DNAH14: variants seen among roughly 807,000 people sequenced by gnomAD.
DNAH14 encodes the protein axonemal beta dynein heavy chain 14.
DNAH14 carries 478 observed loss-of-function variants against 520.9 expected under a neutral mutation model. That is an observed-to-expected ratio of 0.92 (90% confidence interval 0.85 to 0.99). The LOEUF is 0.99. DNAH14 is among the 50% of genes least tolerant of loss of function. DNAH14 has a pLI of 0.00. For synonymous variants in DNAH14, 1,581 were observed against 1,757.2 expected, an observed-to-expected ratio of 0.90 and a Z score of 2.51; for missense variants, 4,831 against 5,234.5, an observed-to-expected ratio of 0.92 and a Z score of 2.38.
chr1:225,023,138 A>G (rs909475382), intron 10 of DNAH14, among the ~76,000 whole-genome samples: 1 of 152,102 alleles, frequency 6.6e-6, no homozygotes, highest in Non-Finnish European at 1.5e-5. Flanking sequence ...CCTATTGTTG[A>G]CTATGCTCAC....
chr1:224,952,049 A>C (rs949761224), intron 1 of DNAH14, among the ~76,000 whole-genome samples: 5 of 152,160 alleles, frequency 3.3e-5, no homozygotes, highest in Non-Finnish European at 5.9e-5. Context: ...TCTATTCTCC[A>C]TTGATTCCAG....
chr1:225,005,135 T>C (rs2064065390), intron 9 of DNAH14, among the ~76,000 whole-genome samples: 1 of 152,146 alleles, frequency 6.6e-6, no homozygotes, highest in African/African-American at 2.4e-5. Context: ...CTAGAGAGAT[T>C]GCCACTTATC....
chr1:225,212,252 T>G (rs2088557614), intron 41 of DNAH14, among the ~76,000 whole-genome samples: 1 of 152,078 alleles, frequency 6.6e-6, no homozygotes, highest in African/African-American at 2.4e-5. Context: ...TTTTTATGGC[T>G]GCATAGTATT....
intron 8 of DNAH14, among the ~76,000 whole-genome samples, chr1:224,981,623 A>C (rs1426148894): frequency 6.6e-6 from 1 of 152,120 alleles, no homozygotes; most frequent in Non-Finnish European, 1.5e-5. Context: ...CAGTGGTGTC[A>C]GTTGTAATAT....
intron 34 of DNAH14, among the ~76,000 whole-genome samples, chr1:225,158,626 G>A (rs2149134384): frequency 6.6e-6 from 1 of 152,282 alleles, no homozygotes; most frequent in East Asian, 1.9e-4. Flanking sequence ...TATTTGTTAT[G>A]CCATATACTT....
chr1:225,083,114 G>A (rs1391581122), intron 20 of DNAH14, among the ~76,000 whole-genome samples: 1 of 151,996 alleles, frequency 6.6e-6, no homozygotes, highest in Non-Finnish European at 1.5e-5. Flanking sequence ...TGTAAGAATT[G>A]CCCTACCTTA....
intron 8 of DNAH14, among the ~76,000 whole-genome samples, chr1:224,994,126 G>T (rs1039585164): frequency 6.6e-6 from 1 of 151,938 alleles, no homozygotes; most frequent in Admixed American, 6.6e-5. Flanking sequence ...AGGGTGTTTT[G>T]TGTGCACTTG....
rs2069932701 is a variant in DNAH14, at chr1:225,060,680, A to T, written c.2424+8885A>T. Among the ~76,000 whole-genome samples the T allele has an allele frequency of 3.3e-5, 3 of 91,608 alleles. No individual in the cohort carries two copies. The South Asian group carries it at 1.4e-3, about 41-fold the overall frequency. The allele number at this position is 91,608 out of a possible 152,430, so 60.1% of individuals were successfully genotyped here. ...TTGGTCTTTGATGATGGTGATGTAC[A>T]GATGGGGTTTTAGTGTGGATGTCCT... On this transcript the variant is annotated intron_variant, in intron 17 of 85. Coordinates refer to ENST00000682510, the MANE Select transcript of DNAH14 (RefSeq NM_001367479.1).
intron 4 of DNAH14, among the ~76,000 whole-genome samples, chr1:224,960,579 G>GT (rs773829660): frequency 6.6e-6 from 1 of 151,774 alleles, no homozygotes; most frequent in Non-Finnish European, 1.5e-5. Flanking sequence ...AAACTGTATG[G>GT]TTTTTTACAT....
chr1:225,265,262 A>G lies in DNAH14; in HGVS notation c.7303A>G (p.Thr2435Ala), dbSNP rs575761175. 16 of 1,543,420 alleles carry G rather than the reference A, an allele frequency of 1.0e-5. No individual in the cohort carries two copies. In the South Asian group the frequency reaches 1.7e-4, roughly 17 times the overall value. The change falls in exon 48 of 86, where the codon ACA (threonine) becomes GCA (alanine). Residue 2435 changes from threonine to alanine, a missense_variant. Physicochemically the swap from Thr to Ala is moderately conservative, Grantham distance 58. Transcript: ENST00000682510. ...NNDHKGVVVS[T>A]INFSTNVTAA... Reference sequence around the variant, plus strand: ...TGATCATAAAGGAGTTGTAGTCTCTACAATAAATTTTAGCACCAATGTAAC... The same window carrying G: ...TGATCATAAAGGAGTTGTAGTCTCTGCAATAAATTTTAGCACCAATGTAAC...
At chr1:225,377,164 C>T (rs2095711677) in intron 78 of DNAH14, 73 bp from the exon 79 acceptor site, 24 of 1,257,304 alleles carry the variant, frequency 1.9e-5, no homozygotes, top group Non-Finnish European at 2.5e-5. Context: ...GTATCTTACT[C>T]TGGCAAAAAC....
intron 66 of DNAH14, among the ~76,000 whole-genome samples, chr1:225,336,464 A>G (rs114499427): frequency 4.2e-4 from 60 of 142,066 alleles, no homozygotes; most frequent in Non-Finnish European, 8.5e-4. Context: ...CTCAAATAAT[A>G]TAAAGCAAAT....
At chr1:225,326,818 C>A (rs577557059) in intron 64 of DNAH14, among the ~76,000 whole-genome samples, 1 of 151,970 alleles carries the variant, frequency 6.6e-6, no homozygotes, top group East Asian at 1.9e-4. Flanking sequence ...GCCCTGTTTT[C>A]TAGGACATTT....
At chr1:225,083,981 A>C (rs527646110) in intron 20 of DNAH14, among the ~76,000 whole-genome samples, 1 of 152,266 alleles carries the variant, frequency 6.6e-6, no homozygotes, top group Admixed American at 6.5e-5. Flanking sequence ...GTTAGGGTAG[A>C]TAGGTACATA....
chr1:225,010,024 G>A (rs1225976767), intron 10 of DNAH14, among the ~76,000 whole-genome samples: 8 of 152,022 alleles, frequency 5.3e-5, no homozygotes, highest in Non-Finnish European at 8.8e-5. Flanking sequence ...CTAAATATAC[G>A]ATCATGTCAT....
intron 54 of DNAH14, among the ~76,000 whole-genome samples, chr1:225,279,388 A>G (rs1056161509): frequency 1.3e-5 from 2 of 152,208 alleles, no homozygotes; most frequent in Admixed American, 6.5e-5. Context: ...TTAATTTTGC[A>G]TAACAGTAAT....
chr1:225,003,045 T>C (rs1446414781), intron 9 of DNAH14, 118 bp downstream of exon 9: 1 of 902,214 alleles, frequency 1.1e-6, no homozygotes, highest in Non-Finnish European at 1.6e-6. Flanking sequence ...TCTCTTTCGA[T>C]TACTACCGTT....
intron 54 of DNAH14, among the ~76,000 whole-genome samples, chr1:225,282,345 C>A: frequency 6.6e-6 from 1 of 152,198 alleles, no homozygotes; most frequent in Non-Finnish European, 1.5e-5. Flanking sequence ...CAGGCCCCTT[C>A]TTCTATACGC....
rs1408218534 is a variant in DNAH14 at position 225,328,912 on chromosome 1, AAATT to A, written c.9724-2524_9724-2521del. 3.3e-5 allele frequency among the ~76,000 whole-genome samples: 5 copies of A among 152,196 alleles called. No individual in the cohort carries two copies. The East Asian group carries it at 9.6e-4, about 29-fold the overall frequency. ...TAATTGTTATGGGTGATCCAGGAAT[AAATT>A]CTAAATCATTAAACATGCCAAAAGT... On this transcript the variant is annotated intron_variant, in intron 64 of 85. Coordinates refer to ENST00000682510, the MANE Select transcript of DNAH14 (RefSeq NM_001367479.1).
Sources: gnomAD v4.1 joint callset for allele counts (sites outside exome capture counted in the v4.1 genomes callset) on GRCh38, gnomAD v4.1.1 for gene constraint, MANE v1.5 for transcripts, NCBI Gene and HGNC (gene_info 2026-07-23, HGNC 2026-07-21) for gene names.